Variants in RAB43 observed in about 807,000 individuals in gnomAD.
The protein encoded by RAB43 is ras-related protein Rab-43.
A neutral mutation model predicts 18.8 loss-of-function variants in RAB43; 6 were observed. The ratio of observed to expected loss-of-function variants is 0.32; its 90% CI spans 0.17 to 0.63. RAB43 has a LOEUF of 0.63. Ranked by LOEUF, RAB43 falls within the 30% of genes least tolerant of loss-of-function variation. The pLI is 0.79. For missense variants in RAB43, 195 were observed against 289.1 expected, an observed-to-expected ratio of 0.67 and a Z score of 2.36; for synonymous variants, 103 against 124.1, an observed-to-expected ratio of 0.83 and a Z score of 1.13.
At chr3:129,118,060 T>C (rs1018934535) in intron 1 of RAB43, among the ~76,000 whole-genome samples, 4 of 152,194 alleles carry the variant, frequency 2.6e-5, no homozygotes, top group African/African-American at 9.6e-5. Context: ...TCTCTGAAGA[T>C]GTGGCATTTG....
Position 129,121,316 on chromosome 3 carries a change from C to T in RAB43, c.174G>A (p.Lys58=), listed in dbSNP as rs1935915278. 1.2e-6 allele frequency: 2 copies of T among 1,609,444 alleles called. No homozygotes were observed. The highest frequency in any genetic ancestry group is 1.1e-5 in the South Asian group (1 of 90,098). Residue 58 remains lysine (K), a synonymous_variant, in exon 1 of 3, where the codon AAG becomes AAA. Coordinates refer to ENST00000315150, the MANE Select transcript of RAB43 (RefSeq NM_198490.3). ...CCCGCTTGCCCTGGATCTCCAGCGT[C>T]TTCATGGTGAAGTCGACGCCGATGG... ...GSTIGVDFTM[K]TLEIQGKRVK...
chr3:129,109,347 T>C (rs1934993650), intron 1 of RAB43, among the ~76,000 whole-genome samples: 1 of 150,564 alleles, frequency 6.6e-6, no homozygotes, highest in Admixed American at 6.6e-5. Context: ...CAGGCGGAGC[T>C]TGCAGTGAGC....
intron 2 of RAB43, chr3:129,092,409 G>C (rs1254298889): frequency 1.6e-6 from 1 of 628,406 alleles, no homozygotes; most frequent in African/African-American, 1.9e-5. Flanking sequence ...GATGAGAGGA[G>C]GTTGGACTTC....
chr3:129,101,397 G>C (rs1360310313), intron 1 of RAB43, among the ~76,000 whole-genome samples: 1 of 152,202 alleles, frequency 6.6e-6, no homozygotes, highest in South Asian at 2.1e-4. Context: ...CTGGTAACTG[G>C]GGATATAGCA....
At chr3:129,115,115 C>T (rs1342405324) in intron 1 of RAB43, among the ~76,000 whole-genome samples, 4 of 152,108 alleles carry the variant, frequency 2.6e-5, no homozygotes, top group Admixed American at 6.6e-5. Context: ...AAGTCACATG[C>T]CTATGGTACA....
intron 2 of RAB43, among the ~76,000 whole-genome samples, chr3:129,093,427 T>C (rs1933814335): frequency 6.6e-6 from 1 of 151,988 alleles, no homozygotes; most frequent in Non-Finnish European, 1.5e-5. Flanking sequence ...CTGGCCAACA[T>C]GGTGAAACCC....
chr3:129,108,017 C>T (rs1014818232), intron 1 of RAB43, among the ~76,000 whole-genome samples: 2 of 152,226 alleles, frequency 1.3e-5, no homozygotes, highest in Non-Finnish European at 1.5e-5. Flanking sequence ...CTCGTATTTG[C>T]CATGCTCTCA....
At chr3:129,113,519 G>A (rs996573561) in intron 1 of RAB43, among the ~76,000 whole-genome samples, 13 of 152,204 alleles carry the variant, frequency 8.5e-5, no homozygotes, top group Admixed American at 7.2e-4. Flanking sequence ...CTGTTTTTGG[G>A]ATTTCAGAGT....
rs138625184 is a variant in RAB43, at chr3:129,115,230, G to A, written c.204+6056C>T. On this transcript the variant is annotated intron_variant, in intron 1 of 2. Transcript: ENST00000315150. ...GGGCCAGGCGTGGTGGCTCATGCCT[G>A]TAATTCCAGCACTTTGGGAGGCCGA... Among the ~76,000 whole-genome samples the A allele has an allele frequency of 9.1e-3, 1,387 of 152,272 alleles. 26 individuals are homozygous for A. Among genetic ancestry groups the A allele is most frequent in the African/African-American group, 0.032 (1,309 of 41,538 alleles).
intron 1 of RAB43, among the ~76,000 whole-genome samples, chr3:129,105,959 G>A (rs973429195): frequency 2.0e-5 from 3 of 152,166 alleles, no homozygotes; most frequent in Non-Finnish European, 4.4e-5. Context: ...TACTTGCACA[G>A]TGCCTGCACA....
chr3:129,115,494 A>T (rs1560005238), intron 1 of RAB43, among the ~76,000 whole-genome samples: 2 of 150,712 alleles, frequency 1.3e-5, no homozygotes, highest in Non-Finnish European at 2.9e-5. Flanking sequence ...ACAAGAGCGA[A>T]ACCCCGTCTC....
chr3:129,118,734 C>G (rs1164508679), intron 1 of RAB43, among the ~76,000 whole-genome samples: 1 of 152,192 alleles, frequency 6.6e-6, no homozygotes, highest in Non-Finnish European at 1.5e-5. Flanking sequence ...ACTATGCTGG[C>G]CAGGCTCATC....
chr3:129,101,204 C>G (rs979780256), intron 1 of RAB43, among the ~76,000 whole-genome samples: 3 of 152,124 alleles, frequency 2.0e-5, no homozygotes, highest in Non-Finnish European at 4.4e-5. Context: ...TAAATGCATC[C>G]GTTTAACAAT....
chr3:129,099,315 T>G (rs2107992856), intron 1 of RAB43, among the ~76,000 whole-genome samples: 1 of 152,012 alleles, frequency 6.6e-6, no homozygotes, highest in South Asian at 2.1e-4. Context: ...ATGGTCTTGA[T>G]CTCCTGACCT....
rs1347171206 is a variant in RAB43, at chr3:129,109,334, T to C, written c.204+11952A>G. On this transcript the variant is annotated intron_variant, in intron 1 of 2. Coordinates refer to ENST00000315150, the MANE Select transcript of RAB43 (RefSeq NM_198490.3). ...CTGAGGCAGGAGAATGGCGTGAACC[T>C]GGCAGGCGGAGCTTGCAGTGAGCCG... Among the ~76,000 whole-genome samples, 3 of 146,038 alleles carry C rather than the reference T, an allele frequency of 2.1e-5. No homozygotes were observed. The East Asian group carries it at 6.1e-4, about 30-fold the overall frequency.
rs76315249 is a variant in RAB43 at position 129,112,331 on chromosome 3, G to A, written c.204+8955C>T. Among the ~76,000 whole-genome samples the A allele has an allele frequency of 9.5e-3, 1,438 of 151,354 alleles. 97 individuals are homozygous for A. The highest frequency in any genetic ancestry group is 0.086 in the Admixed American group (1,314 of 15,200). On this transcript the variant is annotated intron_variant, in intron 1 of 2. Transcript: ENST00000315150. ...AGTTTTTAATTGGAAATGGTAAACA[G>A]AATTTTTTAATTTTAAAAATATCCA...
rs1935924164 is a variant in RAB43 at position 129,121,426 on chromosome 3, C to G, written c.64G>C (p.Val22Leu). ...DEQYDFLFKL[V>L]LVGDASVGKT... is the part of the protein sequence containing the mutation. Reference sequence around the variant, plus strand: ...CCCACGCTTGCGTCGCCCACCAGCACCAGCTTGAACAGGAAATCGTACTGC... The same window carrying G: ...CCCACGCTTGCGTCGCCCACCAGCAGCAGCTTGAACAGGAAATCGTACTGC... The change falls in exon 1 of 3, where the codon GTG becomes CTG. Residue 22 changes from valine to leucine, a missense_variant. Physicochemically the swap from Val to Leu is conservative, Grantham distance 32. Transcript: ENST00000315150. 1.2e-6 allele frequency: 2 copies of G among 1,613,398 alleles called. No homozygotes were observed. Among genetic ancestry groups the G allele is most frequent in the Admixed American group, 1.7e-5 (1 of 59,936 alleles).
intron 1 of RAB43, among the ~76,000 whole-genome samples, chr3:129,116,402 G>C (rs568364933): frequency 6.6e-6 from 1 of 152,176 alleles, no homozygotes; most frequent in Non-Finnish European, 1.5e-5. Context: ...GCACGACCTA[G>C]AACTTCTTTC....
intron 1 of RAB43, among the ~76,000 whole-genome samples, chr3:129,110,582 T>C (rs947019279): frequency 6.6e-6 from 1 of 152,218 alleles, no homozygotes; most frequent in African/African-American, 2.4e-5. Flanking sequence ...CTCACGCCTG[T>C]AATCCCAGCA....
Sources: gnomAD v4.1 joint callset for allele counts (sites outside exome capture counted in the v4.1 genomes callset) on GRCh38, gnomAD v4.1.1 for gene constraint, MANE v1.5 for transcripts, NCBI Gene and HGNC (gene_info 2026-07-23, HGNC 2026-07-21) for gene names.